SPAG16: variants seen among roughly 807,000 people sequenced by gnomAD.
The protein encoded by SPAG16 is sperm associated antigen 16.
Under a neutral mutation model 80.4 loss-of-function variants are expected in SPAG16, and 86 were observed. That is an observed-to-expected ratio of 1.07 (90% CI 0.90 to 1.28). The LOEUF is 1.28. Ranked by LOEUF, SPAG16 falls within the 50% of genes most tolerant of loss-of-function variation. SPAG16 has a pLI of 0.00. For synonymous variants in SPAG16, 294 were observed against 265.9 expected (o/e 1.11, Z -1.03); for missense variants, 870 against 765.3 (o/e 1.14, Z -1.61).
chr2:213,366,157 A>G (rs934963104), intron 8 of SPAG16, among the ~76,000 whole-genome samples: 4 of 151,272 alleles, frequency 2.6e-5, no homozygotes, highest in South Asian at 2.1e-4. Flanking sequence ...AAAAAAAAAA[A>G]AAGAAGAAAG....
intron 9 of SPAG16, among the ~76,000 whole-genome samples, chr2:213,435,797 A>T (rs1480623267): frequency 6.6e-6 from 1 of 152,196 alleles, no homozygotes; most frequent in Non-Finnish European, 1.5e-5. Context: ...TGTTCCATTA[A>T]ATAACGTAGA....
chr2:213,701,732 G>A (rs1378189831), intron 10 of SPAG16, among the ~76,000 whole-genome samples: 1 of 152,196 alleles, frequency 6.6e-6, no homozygotes, highest in African/African-American at 2.4e-5. Context: ...TCTAGCCGGA[G>A]GATTGTATAT....
At chr2:214,159,309 A>T (rs62197909) in intron 15 of SPAG16, among the ~76,000 whole-genome samples, 47,948 of 151,874 alleles carry the variant, frequency 0.32, 9,542 homozygotes, top group Non-Finnish European at 0.44. Context: ...ATCTAATAGC[A>T]TATACTAGTC....
intron 15 of SPAG16, among the ~76,000 whole-genome samples, chr2:214,387,001 C>T (rs1700798786): frequency 6.6e-6 from 1 of 152,106 alleles, no homozygotes; most frequent in African/African-American, 2.4e-5. Context: ...AATTTAACTT[C>T]TCCAAGTCAA....
chr2:214,055,637 C>T (rs1408506046), intron 13 of SPAG16, among the ~76,000 whole-genome samples: 2 of 152,242 alleles, frequency 1.3e-5, no homozygotes, highest in African/African-American at 4.8e-5. Context: ...AGATAAACAT[C>T]TGCCTAGCAC....
chr2:213,626,494 A>G (rs7595160), intron 10 of SPAG16, among the ~76,000 whole-genome samples: 9,290 of 152,182 alleles, frequency 0.061, 928 homozygotes, highest in African/African-American at 0.21. Flanking sequence ...AAAAATATAT[A>G]TAACATTAGT....
intron 10 of SPAG16, among the ~76,000 whole-genome samples, chr2:213,779,853 A>G (rs1177904283): frequency 6.6e-6 from 1 of 152,238 alleles, no homozygotes; most frequent in Non-Finnish European, 1.5e-5. Flanking sequence ...TAAGGAAGAA[A>G]GTGGAATACT....
chr2:214,356,398 A>G (rs1035214129), intron 15 of SPAG16, among the ~76,000 whole-genome samples: 1 of 135,810 alleles, frequency 7.4e-6, no homozygotes, highest in African/African-American at 2.5e-5. Context: ...GACAGTGGAG[A>G]AATATCTAGG....
chr2:213,825,506 G>T (rs1384177624), intron 10 of SPAG16, among the ~76,000 whole-genome samples: 6 of 151,802 alleles, frequency 4.0e-5, no homozygotes, highest in Non-Finnish European at 5.9e-5. Flanking sequence ...CCTTCATTCT[G>T]TTGGTAAAAT....
At chr2:213,683,758 T>A (rs2064514198) in intron 10 of SPAG16, among the ~76,000 whole-genome samples, 2 of 152,210 alleles carry the variant, frequency 1.3e-5, no homozygotes, top group African/African-American at 2.4e-5. Context: ...TCTGTATGCA[T>A]ATATACATAA....
At chr2:214,310,961 C>T (rs541014389) in intron 15 of SPAG16, among the ~76,000 whole-genome samples, 1 of 152,316 alleles carries the variant, frequency 6.6e-6, no homozygotes, top group East Asian at 1.9e-4. Context: ...GCAGTGGGCA[C>T]ACCTTCACTG....
chr2:213,317,649 A>G, intron 5 of SPAG16: 1 of 1,029,368 alleles, frequency 9.7e-7, no homozygotes, highest in Non-Finnish European at 1.2e-6. Context: ...GGTTTATAAC[A>G]TTTTCTCCTG....
At chr2:213,285,827 C>A in intron 1 of SPAG16, 1 of 1,091,126 alleles carries the variant, frequency 9.2e-7, no homozygotes, top group Non-Finnish European at 1.2e-6. Context: ...GTAGATGTAA[C>A]AGGCAGTCTT....
intron 10 of SPAG16, 107 bp downstream of exon 10, chr2:213,490,197 C>G: frequency 9.3e-7 from 1 of 1,075,962 alleles, no homozygotes; most frequent in Non-Finnish European, 1.3e-6. Context: ...TTTAGCCTTT[C>G]AAAATTGCTA....
intron 15 of SPAG16, among the ~76,000 whole-genome samples, chr2:214,324,796 T>A (rs1223646800): frequency 6.6e-6 from 1 of 152,132 alleles, no homozygotes; most frequent in Non-Finnish European, 1.5e-5. Context: ...GACTTTTGGA[T>A]TTTTATGGGT....
rs557778282 is a variant in SPAG16 at position 213,775,175 on chromosome 2, A to C, written c.1071-87310A>C. 9.1e-4 allele frequency among the ~76,000 whole-genome samples: 139 copies of C among 152,210 alleles called. 1 individual carries two copies. Among genetic ancestry groups the C allele is most frequent in the Non-Finnish European group, 1.4e-3 (96 of 68,006 alleles). On this transcript the variant is annotated intron_variant, in intron 10 of 15. Transcript: ENST00000331683. ...GTCTCTTCTAGATTGAATGCCTTAC[A>C]TTTTAGATTTTGTTTTAAAAATTTT...
chr2:213,878,220 G>A (rs1353164452), intron 11 of SPAG16, among the ~76,000 whole-genome samples: 1 of 151,712 alleles, frequency 6.6e-6, no homozygotes, highest in African/African-American at 2.4e-5. Flanking sequence ...CGGATTGAAT[G>A]GCAGTTCTAT....
At chr2:214,404,765 T>C (rs1701902568) in intron 15 of SPAG16, among the ~76,000 whole-genome samples, 1 of 151,550 alleles carries the variant, frequency 6.6e-6, no homozygotes, top group Non-Finnish European at 1.5e-5. Flanking sequence ...CAGTTTGGAG[T>C]CTAGAAAAAA....
intron 12 of SPAG16, among the ~76,000 whole-genome samples, chr2:213,990,448 G>A (rs1449342484): frequency 6.6e-6 from 1 of 152,086 alleles, no homozygotes; most frequent in Non-Finnish European, 1.5e-5. Context: ...AATGCCTACT[G>A]TTGACTGGAA....
Sources: allele counts gnomAD v4.1 joint callset (sites outside exome capture counted in the v4.1 genomes callset), GRCh38; gene constraint gnomAD v4.1.1; transcripts MANE v1.5; gene names NCBI Gene and HGNC (gene_info 2026-07-23, HGNC 2026-07-21).